Variants in DTWD2 observed in about 807,000 individuals in gnomAD.
DTWD2 encodes DTW motif tRNA-uridine aminocarboxypropyltransferase 2.
A neutral mutation model predicts 31.8 loss-of-function variants in DTWD2; 39 were observed. The ratio of observed to expected loss-of-function variants is 1.22; its 90% CI spans 0.95 to 1.60. The LOEUF (loss-of-function observed/expected upper bound fraction) is 1.60, where lower values mean the gene tolerates loss of function less well. DTWD2 is among the 40% of genes most tolerant of loss of function. The probability of loss-of-function intolerance (pLI) is 0.00; values close to 1 mark genes in which losing one functional copy is unlikely to be tolerated. For synonymous variants in DTWD2, 180 were observed against 142.8 expected (o/e 1.26, Z -1.86); for missense variants, 515 against 381.5 (o/e 1.35, Z -2.92).
rs545492237 is a variant in DTWD2 at position 118,879,186 on chromosome 5, G to A, written c.598-30968C>T. On this transcript the variant is annotated intron_variant, in intron 4 of 5. Coordinates refer to ENST00000510708, the MANE Select transcript of DTWD2 (RefSeq NM_173666.4). ...CATTCTATTATAAAGATACATGCAC[G>A]TGTATCTTCACTGCAGCACTATTCA... is the stretch of plus-strand genomic sequence containing the variant. 3.9e-5 allele frequency among the ~76,000 whole-genome samples: 6 copies of A among 152,230 alleles called. No individual in the cohort carries two copies. The South Asian group carries it at 1.0e-3, about 26-fold the overall frequency.
intron 1 of DTWD2, among the ~76,000 whole-genome samples, chr5:118,978,930 G>A (rs1051425878): frequency 2.6e-5 from 4 of 151,150 alleles, no homozygotes; most frequent in Admixed American, 6.6e-5. Context: ...TGCTTGAGCC[G>A]GGAAGATGGA....
intron 5 of DTWD2, among the ~76,000 whole-genome samples, chr5:118,845,844 C>T (rs1165191005): frequency 6.6e-6 from 1 of 152,138 alleles, no homozygotes; most frequent in African/African-American, 2.4e-5. Flanking sequence ...AATAAGGATT[C>T]CTTTTTTTTG....
chr5:118,856,067 GAGA>G (rs1752126735), intron 4 of DTWD2, among the ~76,000 whole-genome samples: 3 of 152,124 alleles, frequency 2.0e-5, no homozygotes. Flanking sequence ...GTATACTCCA[GAGA>G]AAGAGAATCA....
At chr5:118,911,163 A>G (rs1753450847) in intron 4 of DTWD2, among the ~76,000 whole-genome samples, 3 of 152,252 alleles carry the variant, frequency 2.0e-5, no homozygotes, top group African/African-American at 7.2e-5. Flanking sequence ...TGACCTAAAC[A>G]GACATTTCTC....
chr5:118,972,832 A>G (rs527941100), intron 1 of DTWD2, among the ~76,000 whole-genome samples: 15 of 152,346 alleles, frequency 9.8e-5, no homozygotes, highest in South Asian at 6.2e-4. Flanking sequence ...ACGTGAATCC[A>G]TAAGTGTAAT....
At chr5:118,965,117 C>T (rs1754804620) in intron 1 of DTWD2, among the ~76,000 whole-genome samples, 1 of 146,726 alleles carries the variant, frequency 6.8e-6, no homozygotes, top group South Asian at 2.2e-4. Context: ...TGAGGAGCGT[C>T]TCTGCCCAGC....
At chr5:118,880,440 G>GT (rs1413252688) in intron 4 of DTWD2, among the ~76,000 whole-genome samples, 1 of 151,992 alleles carries the variant, frequency 6.6e-6, no homozygotes, top group Non-Finnish European at 1.5e-5. Context: ...GTTTTGTTTT[G>GT]TTTTTTCATT....
chr5:118,917,929 C>T (rs1235793537), intron 4 of DTWD2, among the ~76,000 whole-genome samples: 1 of 151,812 alleles, frequency 6.6e-6, no homozygotes, highest in Non-Finnish European at 1.5e-5. Flanking sequence ...CGCACCACTG[C>T]ACTCTAGCCT....
intron 3 of DTWD2, among the ~76,000 whole-genome samples, chr5:118,934,414 A>T (rs921070206): frequency 4.0e-5 from 6 of 151,162 alleles, no homozygotes; most frequent in Non-Finnish European, 5.9e-5. Context: ...AGTAAAATAC[A>T]TGAAAACAAT....
chr5:118,988,463 G>T lies in DTWD2; in HGVS notation c.49C>A (p.Pro17Thr). ...ARTLQEPVAR[P>T]SGASSSQTPN... ...GTCTGAGAGCTTGAGGCCCCAGAAG[G>T]CCGCGCAACGGGCTCCTGGAGTGTT... The change falls in exon 1 of 6, where the codon CCT becomes ACT. Residue 17 changes from proline to threonine, a missense_variant. Coordinates refer to ENST00000510708, the MANE Select transcript of DTWD2 (RefSeq NM_173666.4). The T allele has an allele frequency of 6.2e-7, 1 of 1,605,664 alleles. No individual in the cohort carries two copies. The highest frequency in any genetic ancestry group is 8.5e-7 in the Non-Finnish European group (1 of 1,177,702).
intron 4 of DTWD2, among the ~76,000 whole-genome samples, chr5:118,898,869 T>C (rs1055176738): frequency 2.6e-5 from 4 of 152,188 alleles, no homozygotes; most frequent in African/African-American, 9.7e-5. Context: ...GCACACTTGA[T>C]TGAGAAGTAA....
rs550741046 is a variant in DTWD2, at chr5:118,971,218, G to C, written c.218+17076C>G. Among the ~76,000 whole-genome samples the C allele has an allele frequency of 2.6e-5, 4 of 152,268 alleles. No homozygotes were observed. The South Asian group carries it at 6.2e-4, about 24-fold the overall frequency. The stretch of plus-strand genomic sequence containing the variant: ...AGCTGGATAGAGTCAAGATCCATCT[G>C]TATGCTATCTTCAAGAGACCCATCT... On this transcript the variant is annotated intron_variant, in intron 1 of 5. Coordinates refer to ENST00000510708, the MANE Select transcript of DTWD2 (RefSeq NM_173666.4).
At chr5:118,850,309 C>CAAAAAAAAAA (rs74980941) in intron 4 of DTWD2, among the ~76,000 whole-genome samples, 8 of 63,056 alleles carry the variant, frequency 1.3e-4, no homozygotes, top group Non-Finnish European at 2.4e-4. Flanking sequence ...ACCAAAAATA[C>CAAAAAAAAAA]AAAAAAAAAA....
intron 1 of DTWD2, among the ~76,000 whole-genome samples, chr5:118,983,997 A>G (rs1755364761): frequency 6.6e-6 from 1 of 151,784 alleles, no homozygotes; most frequent in Admixed American, 6.6e-5. Context: ...CTAACAATAC[A>G]AAACCTAGGC....
intron 4 of DTWD2, among the ~76,000 whole-genome samples, chr5:118,889,659 T>C (rs961908984): frequency 6.6e-6 from 1 of 152,156 alleles, no homozygotes; most frequent in African/African-American, 2.4e-5. Context: ...GGCTCTTCAC[T>C]GTATACTCTC....
intron 1 of DTWD2, among the ~76,000 whole-genome samples, chr5:118,966,613 C>T (rs1754855702): frequency 6.6e-6 from 1 of 152,090 alleles, no homozygotes; most frequent in South Asian, 2.1e-4. Context: ...GCAAAGTAAA[C>T]TATAGAAGGA....
intron 1 of DTWD2, among the ~76,000 whole-genome samples, chr5:118,983,567 T>A (rs1403508532): frequency 6.6e-6 from 1 of 152,048 alleles, no homozygotes; most frequent in Admixed American, 6.6e-5. Flanking sequence ...CTCCAGAATA[T>A]CCAAGCCTAA....
intron 4 of DTWD2, among the ~76,000 whole-genome samples, chr5:118,924,643 T>C (rs1753772853): frequency 6.6e-6 from 1 of 152,252 alleles, no homozygotes; most frequent in Non-Finnish European, 1.5e-5. Flanking sequence ...TTTAAAAATA[T>C]ATTTTAAAAT....
In DTWD2 at chr5:118,944,491, G is replaced by A. The variant is rs113045268; in HGVS notation, c.309+68C>T. On this transcript the variant is annotated intron_variant, in intron 2 of 5. Coordinates refer to ENST00000510708, the MANE Select transcript of DTWD2 (RefSeq NM_173666.4). ...CTAAAGAGCTGGTAAGGATAAGTAT[G>A]TTTATCTTCGTGTTTCCTCTTGTGG... The A allele has an allele frequency of 4.7e-3, 6,855 of 1,458,848 alleles. 264 individuals are homozygous for A. The African/African-American group carries it at 0.083, about 18-fold the overall frequency. 90.4% of individuals were successfully genotyped at this position (1,458,848 alleles called of 1,614,324 possible).
Sources: gnomAD v4.1 joint callset for allele counts (sites outside exome capture counted in the v4.1 genomes callset) on GRCh38, gnomAD v4.1.1 for gene constraint, MANE v1.5 for transcripts, NCBI Gene and HGNC (gene_info 2026-07-23, HGNC 2026-07-21) for gene names.